Variants in CMIP observed in about 807,000 individuals in gnomAD.
The protein encoded by CMIP is C-Maf-inducing protein.
In CMIP, 13 loss-of-function variants were observed where a neutral mutation model predicts 97.3. The ratio of observed to expected loss-of-function variants is 0.13; its 90% CI spans 0.09 to 0.21. The LOEUF is 0.21. Among genes scored for constraint, CMIP ranks in the 10% least tolerant of loss-of-function variants. The probability of loss-of-function intolerance (pLI) is 1.00; values close to 1 mark genes in which losing one functional copy is unlikely to be tolerated. For synonymous variants in CMIP, 538 were observed against 436.3 expected (o/e 1.23, Z -2.91); for missense variants, 847 against 1,024.9 (o/e 0.83, Z 2.37).
rs539162652 is a variant in CMIP, at chr16:81,646,977, A to G, written c.478-5226A>G. 2.6e-5 allele frequency among the ~76,000 whole-genome samples: 4 copies of G among 152,342 alleles called. No homozygotes were observed. The East Asian group carries it at 7.7e-4, about 29-fold the overall frequency. On this transcript the variant is annotated intron_variant, in intron 3 of 20. Coordinates refer to ENST00000537098, the MANE Select transcript of CMIP (RefSeq NM_198390.3). The stretch of plus-strand genomic sequence containing the variant: ...TTCTCTTGGGTAGATTTCTAGGAAC[A>G]GAATTGCTGGGTCATATGATAAATT...
chr16:81,504,005 G>A (rs2150781877), intron 1 of CMIP, among the ~76,000 whole-genome samples: 1 of 152,344 alleles, frequency 6.6e-6, no homozygotes, highest in East Asian at 1.9e-4. Context: ...GGCTTGGGAA[G>A]GTTCAGTTAT....
At chr16:81,675,365 G>A (rs886165398) in intron 9 of CMIP, among the ~76,000 whole-genome samples, 1 of 135,540 alleles carries the variant, frequency 7.4e-6, no homozygotes, top group African/African-American at 2.7e-5. Context: ...TGCCACACCT[G>A]GCTAATTTTT....
intron 3 of CMIP, chr16:81,645,410 C>T (rs1004220246): frequency 3.4e-6 from 5 of 1,478,472 alleles, no homozygotes; most frequent in Non-Finnish European, 2.7e-6. Context: ...AGCAGAGCAG[C>T]AGCCCCTGCC....
At chr16:81,675,103 C>T (rs557085168) in intron 9 of CMIP, among the ~76,000 whole-genome samples, 2 of 152,294 alleles carry the variant, frequency 1.3e-5, no homozygotes, top group South Asian at 4.1e-4. Context: ...CCTGGCTGTT[C>T]TCCAGGCAAG....
At chr16:81,689,731 T>C (rs1054080412) in intron 10 of CMIP, among the ~76,000 whole-genome samples, 1 of 152,250 alleles carries the variant, frequency 6.6e-6, no homozygotes, top group Non-Finnish European at 1.5e-5. Flanking sequence ...TCCTTGCCCA[T>C]GTTTATGTCC....
At chr16:81,502,663 G>A (rs1304782881) in intron 1 of CMIP, among the ~76,000 whole-genome samples, 1 of 152,186 alleles carries the variant, frequency 6.6e-6, no homozygotes, top group Non-Finnish European at 1.5e-5. Flanking sequence ...ACCTGCCCTT[G>A]TGAGAAATGT....
chr16:81,495,249 A>G, intron 1 of CMIP: 1 of 1,316,354 alleles, frequency 7.6e-7, no homozygotes, highest in Non-Finnish European at 1.0e-6. Context: ...ACTGATGGTC[A>G]GAGTGGACCT....
rs571768334 is a variant in CMIP at position 81,673,576 on chromosome 16, G to A, written c.1034+1506G>A. On this transcript the variant is annotated intron_variant, in intron 9 of 20. Transcript: ENST00000537098. Reference sequence around the variant, plus strand: ...AGCAGGTGACCACTTCAGGCAGCTGGCATGCACTCCCACTGTGCCCCAGGA... The same window carrying A: ...AGCAGGTGACCACTTCAGGCAGCTGACATGCACTCCCACTGTGCCCCAGGA... Among the ~76,000 whole-genome samples the A allele has an allele frequency of 2.0e-5, 3 of 152,240 alleles. No homozygotes were observed. In the East Asian group the frequency reaches 5.8e-4, roughly 29 times the overall value.
At chr16:81,491,063 G>A (rs370119364) in intron 1 of CMIP, among the ~76,000 whole-genome samples, 13 of 152,162 alleles carry the variant, frequency 8.5e-5, no homozygotes, top group Non-Finnish European at 1.3e-4. Flanking sequence ...GTTGGGCTGC[G>A]CGGGCTGAGC....
At chr16:81,608,563 C>G (rs2091781138) in intron 2 of CMIP, among the ~76,000 whole-genome samples, 1 of 152,076 alleles carries the variant, frequency 6.6e-6, no homozygotes, top group African/African-American at 2.4e-5. Flanking sequence ...ATTCAGCCCC[C>G]AGGAATTCAC....
At chr16:81,606,820 C>G (rs1172797864) in intron 1 of CMIP, 1 of 154,664 alleles carries the variant, frequency 6.5e-6, no homozygotes. Flanking sequence ...GGTCATGAGT[C>G]TAGAGGGTGG....
chr16:81,471,208 A>G (rs934395140), intron 1 of CMIP, among the ~76,000 whole-genome samples: 1 of 152,180 alleles, frequency 6.6e-6, no homozygotes, highest in Admixed American at 6.5e-5. Flanking sequence ...TCACATGCGC[A>G]CACACATACA....
chr16:81,645,716 C>T (rs2092356996), intron 3 of CMIP: 2 of 1,245,286 alleles, frequency 1.6e-6, no homozygotes, highest in Non-Finnish European at 2.3e-6. Flanking sequence ...GCTGGTGGGG[C>T]TTGGGCTCGG....
At chr16:81,487,981 A>G (rs1004416582) in intron 1 of CMIP, among the ~76,000 whole-genome samples, 15 of 152,338 alleles carry the variant, frequency 9.8e-5, no homozygotes, top group Admixed American at 3.9e-4. Flanking sequence ...TGGAGGTGCC[A>G]TTGGGATGCC....
intron 3 of CMIP, among the ~76,000 whole-genome samples, chr16:81,632,807 C>T (rs747141647): frequency 1.3e-5 from 2 of 152,210 alleles, no homozygotes; most frequent in Non-Finnish European, 2.9e-5. Context: ...ACTCCCCTGT[C>T]CCTGGCCAGG....
chr16:81,523,982 C>T (rs2090079796), intron 1 of CMIP, among the ~76,000 whole-genome samples: 2 of 152,250 alleles, frequency 1.3e-5, no homozygotes, highest in Admixed American at 1.3e-4. Context: ...TGTGCCTGTA[C>T]GTGTGTATGT....
chr16:81,678,112 G>C (rs1022407788), intron 9 of CMIP, among the ~76,000 whole-genome samples, 163 bp from the exon 10 acceptor site: 28 of 152,188 alleles, frequency 1.8e-4, no homozygotes, highest in Non-Finnish European at 3.8e-4. Flanking sequence ...GGCAAGCCGT[G>C]CACCCAGGCT....
At chr16:81,524,673 G>A (rs867129770) in intron 1 of CMIP, among the ~76,000 whole-genome samples, 8 of 152,248 alleles carry the variant, frequency 5.3e-5, no homozygotes, top group South Asian at 4.1e-4. Flanking sequence ...TGGGTTTGGC[G>A]GCACAGGCCC....
Position 81,655,081 on chromosome 16 carries a change from A to C in CMIP, c.640-2694A>C, listed in dbSNP as rs1473486220. The stretch of plus-strand genomic sequence containing the variant: ...GTGCTTGGCACTGTGCCTAACTTGC[A>C]AGGGCCTTTGATACATGGCCACATT... On this transcript the variant is annotated intron_variant, in intron 4 of 20. Coordinates refer to ENST00000537098, the MANE Select transcript of CMIP (RefSeq NM_198390.3). The surrounding 1 kb of genome is among the most constrained non-coding windows in gnomAD (Gnocchi z 4.9). 1.3e-5 allele frequency among the ~76,000 whole-genome samples: 2 copies of C among 152,210 alleles called. No individual in the cohort carries two copies. The highest frequency in any genetic ancestry group is 4.8e-5 in the African/African-American group (2 of 41,452).
Sources: allele counts gnomAD v4.1 joint callset (sites outside exome capture counted in the v4.1 genomes callset), GRCh38; gene constraint gnomAD v4.1.1; non-coding constraint Gnocchi (gnomAD v3.1); transcripts MANE v1.5; gene names NCBI Gene and HGNC (gene_info 2026-07-23, HGNC 2026-07-21).